TBL1X: variants seen among roughly 807,000 people sequenced by gnomAD.
The protein encoded by TBL1X is transducin beta like 1 X-linked.
TBL1X carries 10 observed loss-of-function variants against 50.7 expected under a neutral mutation model. The observed-to-expected ratio is 0.20, with a 90% CI of 0.12 to 0.33. The LOEUF is 0.33. TBL1X is among the 10% of genes least tolerant of loss of function. TBL1X has a pLI of 1.00. For synonymous variants in TBL1X, 190 were observed against 214.7 expected (o/e 0.88, Z 1.01); for missense variants, 340 against 504.4 (o/e 0.67, Z 3.12).
intron 2 of TBL1X, among the ~76,000 whole-genome samples, chrX:9,543,554 A>G (rs1027911822): frequency 1.8e-5 from 2 of 109,092 alleles, no homozygotes; most frequent in African/African-American, 6.7e-5. Context: ...AAGAGGAGGC[A>G]GAGCTGTCAG....
chrX:9,499,653 A>G (rs1229708928), intron 1 of TBL1X, among the ~76,000 whole-genome samples: 1 of 112,347 alleles, frequency 8.9e-6, no homozygotes, highest in Non-Finnish European at 1.9e-5. Flanking sequence ...TCTTGAGTCA[A>G]GGCTGTCTCA....
intron 2 of TBL1X, among the ~76,000 whole-genome samples, chrX:9,503,316 C>G (rs755287570): frequency 1.8e-5 from 2 of 112,994 alleles, no homozygotes; most frequent in African/African-American, 3.2e-5. Context: ...ATTGGAAGAT[C>G]TCACTCGTGA....
intron 5 of TBL1X, among the ~76,000 whole-genome samples, chrX:9,682,891 G>A (rs1185029112): frequency 1.8e-5 from 2 of 112,000 alleles, no homozygotes; most frequent in African/African-American, 6.5e-5. Flanking sequence ...TGTAAACAGT[G>A]TGAGAGTTGA....
intron 1 of TBL1X, among the ~76,000 whole-genome samples, chrX:9,487,570 C>G (rs2146938051): frequency 8.9e-6 from 1 of 112,251 alleles, no homozygotes; most frequent in African/African-American, 3.2e-5. Context: ...CTGCTCCTCC[C>G]TCCAATTACA....
intron 2 of TBL1X, among the ~76,000 whole-genome samples, chrX:9,575,286 G>A (rs1248630451): frequency 9.0e-6 from 1 of 111,509 alleles, no homozygotes; most frequent in Non-Finnish European, 1.9e-5. Context: ...CTCCCCTGAC[G>A]TGTGGGGATT....
chrX:9,471,295 C>T (rs777563053), intron 1 of TBL1X, among the ~76,000 whole-genome samples: 4 of 111,936 alleles, frequency 3.6e-5, no homozygotes, highest in African/African-American at 1.3e-4. Context: ...GACTTTTGTC[C>T]TGCCTGAGGT....
intron 2 of TBL1X, among the ~76,000 whole-genome samples, chrX:9,629,220 C>A (rs2082708190): frequency 8.9e-6 from 1 of 112,847 alleles, no homozygotes; most frequent in African/African-American, 3.2e-5. Flanking sequence ...GCACACAGGC[C>A]AACTGGCTTG....
At chrX:9,665,814 C>G (rs765727777) in intron 5 of TBL1X, among the ~76,000 whole-genome samples, 1 of 108,169 alleles carries the variant, frequency 9.2e-6, no homozygotes, top group East Asian at 3.0e-4. Flanking sequence ...AGGCTCTGTT[C>G]CGTGTTACCT....
At chrX:9,567,316 C>T (rs1444224460) in intron 2 of TBL1X, among the ~76,000 whole-genome samples, 1 of 111,333 alleles carries the variant, frequency 9.0e-6, no homozygotes, top group Non-Finnish European at 1.9e-5. Flanking sequence ...ACCCTGGCCT[C>T]CTTATCTTGC....
chrX:9,710,394 AAAAC>A (rs896359283), intron 15 of TBL1X, among the ~76,000 whole-genome samples: 18 of 111,114 alleles, frequency 1.6e-4, no homozygotes, highest in Admixed American at 6.7e-4. Context: ...CGGAACCAAA[AAAAC>A]AAAGAACACA....
At chrX:9,491,330 A>T (rs1378631160) in intron 1 of TBL1X, among the ~76,000 whole-genome samples, 13 of 22,727 alleles carry the variant, frequency 5.7e-4, no homozygotes, top group African/African-American at 2.3e-3. Flanking sequence ...ATATATATAT[A>T]TATATATATT....
intron 1 of TBL1X, among the ~76,000 whole-genome samples, chrX:9,488,891 G>GT (rs936713151): frequency 1.8e-5 from 2 of 111,154 alleles, no homozygotes; most frequent in African/African-American, 3.3e-5. Flanking sequence ...TCATTTTGTT[G>GT]CCCAGGCTGG....
intron 16 of TBL1X, 58 bp downstream of exon 16, chrX:9,711,834 A>G: frequency 9.0e-7 from 1 of 1,115,616 alleles, no homozygotes; most frequent in East Asian, 3.2e-5. Context: ...AATAGCCACG[A>G]CTCCAGTGCC....
chrX:9,638,532 A>T, intron 2 of TBL1X, among the ~76,000 whole-genome samples: 1 of 112,310 alleles, frequency 8.9e-6, no homozygotes, highest in East Asian at 2.8e-4. Context: ...TCACACACAG[A>T]TGATAAGTTA....
In TBL1X at chrX:9,716,653, C is replaced by A; in HGVS notation, c.*407C>A. 1 of 107,026 alleles carries A rather than the reference C, an allele frequency of 9.3e-6. No homozygotes were observed. The highest frequency in any genetic ancestry group is 1.8e-5 in the Non-Finnish European group (1 of 55,072). The allele number at this position is 107,026 out of a possible 1,213,427, so 8.8% of individuals were successfully genotyped here. ...CAGGGAAGGGGGAAAAACCCTCCTC[C>A]TTGGGATTTTTTTTTTTTGTTTTCC... On this transcript the variant is annotated 3_prime_UTR_variant, in exon 18 of 18. Coordinates refer to ENST00000645353, the MANE Select transcript of TBL1X (RefSeq NM_005647.4).
At chrX:9,695,122 A>G (rs1324289717) in intron 11 of TBL1X, among the ~76,000 whole-genome samples, 1 of 112,213 alleles carries the variant, frequency 8.9e-6, no homozygotes, top group African/African-American at 3.2e-5. Flanking sequence ...CTTAAATTTA[A>G]ATAAAGTTGT....
intron 5 of TBL1X, among the ~76,000 whole-genome samples, chrX:9,680,326 ATTG>A (rs777400910): frequency 8.9e-6 from 1 of 112,300 alleles, no homozygotes; most frequent in African/African-American, 3.2e-5. Flanking sequence ...TGACATCCTT[ATTG>A]TTCCAACAAG....
intron 2 of TBL1X, among the ~76,000 whole-genome samples, chrX:9,512,070 G>A (rs949933809): frequency 9.0e-6 from 1 of 110,632 alleles, no homozygotes; most frequent in African/African-American, 3.3e-5. Context: ...TGTTGCCCAG[G>A]CTTGTCTTTA....
chrX:9,644,886 G>A (rs994436262), intron 3 of TBL1X: 2 of 111,570 alleles, frequency 1.8e-5, no homozygotes, highest in Non-Finnish European at 3.8e-5. Context: ...TCAAACTCCT[G>A]GCCTCAAGTA....
Sources: allele counts gnomAD v4.1 joint callset (sites outside exome capture counted in the v4.1 genomes callset), GRCh38; gene constraint gnomAD v4.1.1; transcripts MANE v1.5; gene names NCBI Gene and HGNC (gene_info 2026-07-23, HGNC 2026-07-21).